The following UNC13C variants were observed in gnomAD, a reference collection of about 807,000 sequenced individuals.
UNC13C encodes the protein protein unc-13 homolog C.
Under a neutral mutation model 245.4 loss-of-function variants are expected in UNC13C, and 174 were observed. The observed-to-expected ratio is 0.71, with a 90% CI of 0.63 to 0.80. The LOEUF (loss-of-function observed/expected upper bound fraction) is 0.80, where lower values mean the gene tolerates loss of function less well. UNC13C is among the 30% of genes least tolerant of loss of function. The pLI, the probability that UNC13C is intolerant of heterozygous loss-of-function variation, is 0.00. For synonymous variants in UNC13C, 992 were observed against 895.1 expected (o/e 1.11, Z -1.93); for missense variants, 2,829 against 2,602.9 (o/e 1.09, Z -1.89).
intron 2 of UNC13C, among the ~76,000 whole-genome samples, chr15:54,038,120 A>ATTTTTTTTTTTTTTTTTTTT (rs1246982047): frequency 2.2e-5 from 1 of 45,200 alleles, no homozygotes; most frequent in Non-Finnish European, 3.6e-5. Flanking sequence ...ATATATATAT[A>ATTTTTTTTTTTTTTTTTTTT]TATATTTTTT....
chr15:54,111,662 A>G (rs1247418434), intron 2 of UNC13C, among the ~76,000 whole-genome samples: 1 of 152,216 alleles, frequency 6.6e-6, no homozygotes, highest in Non-Finnish European at 1.5e-5. Context: ...TATTTGCTCT[A>G]TACTCTGGTA....
At chr15:53,876,510 C>A in the UNC13C span, among the ~76,000 whole-genome samples, 2 of 152,136 alleles carry the variant, frequency 1.3e-5, no homozygotes, top group East Asian at 3.8e-4. Context: ...ATGTTACAGA[C>A]GTGGATCAGT....
chr15:54,112,959 T>C (rs1462013034), intron 2 of UNC13C, among the ~76,000 whole-genome samples: 3 of 152,150 alleles, frequency 2.0e-5, no homozygotes, highest in African/African-American at 4.8e-5. Context: ...TAATAGTAGG[T>C]GAAACCAGAG....
chr15:54,050,258 C>T, intron 2 of UNC13C: 1 of 550,750 alleles, frequency 1.8e-6, no homozygotes, highest in South Asian at 1.4e-5. Context: ...AGGCGTGAGC[C>T]ACTGTGTCGG....
At chr15:54,020,328 G>A (rs112114418) in intron 2 of UNC13C, among the ~76,000 whole-genome samples, 7,188 of 146,288 alleles carry the variant, frequency 0.049, 234 homozygotes, top group Non-Finnish European at 0.069. Context: ...AGACTGGAGT[G>A]CAGTGGCACG....
At chr15:54,142,297 C>T (rs1175910557) in intron 2 of UNC13C, among the ~76,000 whole-genome samples, 1 of 152,150 alleles carries the variant, frequency 6.6e-6, no homozygotes, top group African/African-American at 2.4e-5. Context: ...GTAGACCAAG[C>T]ACCCTTCACT....
chr15:54,221,438 G>A (rs1048998228), intron 4 of UNC13C, among the ~76,000 whole-genome samples: 1 of 151,430 alleles, frequency 6.6e-6, no homozygotes, highest in Non-Finnish European at 1.5e-5. Context: ...TTTAGCAGGT[G>A]GAAATTATAT....
intron 30 of UNC13C, among the ~76,000 whole-genome samples, chr15:54,609,100 G>C (rs960551604): frequency 1.3e-5 from 2 of 152,138 alleles, no homozygotes; most frequent in South Asian, 4.1e-4. Flanking sequence ...GTTAATTGTG[G>C]TCATCTCTTG....
the UNC13C span, among the ~76,000 whole-genome samples, chr15:53,879,927 A>C: frequency 5.7e-4 from 86 of 151,874 alleles, no homozygotes; most frequent in African/African-American, 2.0e-3. Flanking sequence ...TAGTGGAAAA[A>C]AATTTATCAT....
the UNC13C span, among the ~76,000 whole-genome samples, chr15:53,968,457 A>G: frequency 6.6e-6 from 1 of 152,162 alleles, no homozygotes; most frequent in Non-Finnish European, 1.5e-5. Context: ...GAACCCAGAG[A>G]AGATGGTGGA....
At chr15:54,505,382 A>G (rs1336482924) in intron 22 of UNC13C, among the ~76,000 whole-genome samples, 3 of 152,140 alleles carry the variant, frequency 2.0e-5, no homozygotes, top group African/African-American at 7.2e-5. Flanking sequence ...ATTACCTTAG[A>G]CTTGTTAAAA....
chr15:54,185,382 T>C (rs1239346937), intron 4 of UNC13C, among the ~76,000 whole-genome samples: 3 of 151,562 alleles, frequency 2.0e-5, no homozygotes, highest in South Asian at 2.1e-4. Context: ...TAGGTTTTCT[T>C]CTAGGGTTTT....
Position 54,193,494 on chromosome 15 carries a change from C to T in UNC13C, c.3072-41536C>T, listed in dbSNP as rs1017201620. The stretch of plus-strand genomic sequence containing the variant: ...ACTTCCTTATTCTCTTTTTCTCCTT[C>T]CCCTGTATCTTAGAAGCTTCCATCT... On this transcript the variant is annotated intron_variant, in intron 4 of 32. Coordinates refer to ENST00000260323, the MANE Select transcript of UNC13C (RefSeq NM_001080534.3). Among the ~76,000 whole-genome samples, 2 of 152,096 alleles carry T rather than the reference C, an allele frequency of 1.3e-5. 1 individual carries two copies. Among genetic ancestry groups the T allele is most frequent in the East Asian group, 3.9e-4 (2 of 5,180 alleles).
intron 2 of UNC13C, among the ~76,000 whole-genome samples, chr15:54,074,428 C>G (rs780130608): frequency 5.9e-5 from 9 of 152,124 alleles, no homozygotes; most frequent in Non-Finnish European, 1.2e-4. Context: ...TCAGTGGTAG[C>G]TTAATGGGGA....
intron 17 of UNC13C, among the ~76,000 whole-genome samples, chr15:54,348,028 G>A (rs919134269): frequency 1.3e-5 from 2 of 152,142 alleles, no homozygotes; most frequent in Admixed American, 6.5e-5. Context: ...GAACCAGATT[G>A]TCTAAATGTA....
the UNC13C span, among the ~76,000 whole-genome samples, chr15:53,938,813 C>T: frequency 6.6e-6 from 1 of 151,998 alleles, no homozygotes; most frequent in African/African-American, 2.4e-5. Flanking sequence ...CTAATGAGAG[C>T]AAAGAATGTA....
At chr15:54,395,362 C>G (rs2040048281) in intron 18 of UNC13C, among the ~76,000 whole-genome samples, 2 of 151,742 alleles carry the variant, frequency 1.3e-5, no homozygotes, top group African/African-American at 4.8e-5. Flanking sequence ...TAAACTAATG[C>G]AGAATTTCAC....
intron 4 of UNC13C, among the ~76,000 whole-genome samples, chr15:54,195,272 C>G (rs2034316437): frequency 6.6e-6 from 1 of 152,158 alleles, no homozygotes; most frequent in African/African-American, 2.4e-5. Context: ...GCCCTACACC[C>G]CTGTTTACAT....
chr15:54,001,903 G>A lies in UNC13C; in HGVS notation c.-256-10745G>A, dbSNP rs1894906774. Among the ~76,000 whole-genome samples the A allele has an allele frequency of 1.3e-5, 2 of 152,148 alleles. 1 individual carries two copies. The highest frequency in any genetic ancestry group is 2.9e-5 in the Non-Finnish European group (2 of 68,022). On this transcript the variant is annotated intron_variant, in intron 1 of 32. Transcript: ENST00000260323. ...GGCACCAAATGACACACATGACTCC[G>A]TCCCATCAAGGATGCAAATGCTCCG...
Sources: allele counts gnomAD v4.1 joint callset (sites outside exome capture counted in the v4.1 genomes callset), GRCh38; gene constraint gnomAD v4.1.1; transcripts MANE v1.5; gene names NCBI Gene and HGNC (gene_info 2026-07-23, HGNC 2026-07-21).